ISX: variants seen among roughly 807,000 people sequenced by gnomAD.
ISX encodes intestine-specific homeobox.
ISX carries 15 observed loss-of-function variants against 16.9 expected under a neutral mutation model. That is an observed-to-expected ratio of 0.89 (90% CI 0.59 to 1.36). The LOEUF is 1.36. Among genes scored for constraint, ISX ranks in the 40% most tolerant of loss-of-function variants. The pLI is 0.00. For synonymous variants in ISX, 125 were observed against 119.7 expected (o/e 1.04, Z -0.29); for missense variants, 316 against 306.1 (o/e 1.03, Z -0.24).
intron 3 of ISX, among the ~76,000 whole-genome samples, chr22:35,083,384 G>A (rs571273604): frequency 2.6e-5 from 4 of 152,292 alleles, no homozygotes; most frequent in African/African-American, 9.6e-5. Context: ...GGTCTTGGTC[G>A]GAGACCTGGT....
Position 35,069,215 on chromosome 22 carries a change from C to T in ISX, c.229+1899C>T, listed in dbSNP as rs193138030. On this transcript the variant is annotated intron_variant, in intron 2 of 4. Transcript: ENST00000404699. ...TTTAAAATACATTTATTATTTGAGT[C>T]AAACACAAAAGTCTATTTGGGAAAA... Among the ~76,000 whole-genome samples, 40 of 152,256 alleles carry T rather than the reference C, an allele frequency of 2.6e-4. No homozygotes were observed. The Middle Eastern group carries it at 0.02, about 78-fold the overall frequency.
intron 2 of ISX, among the ~76,000 whole-genome samples, chr22:35,072,408 T>C (rs1482710831): frequency 6.6e-6 from 1 of 152,228 alleles, no homozygotes; most frequent in Non-Finnish European, 1.5e-5. Context: ...GAATAAAGCA[T>C]GTGTTATTAA....
rs1929232954 is a variant in ISX at position 35,085,579 on chromosome 22, A to G, written c.624A>G (p.Pro208=). ...GGATCACCCTCCTCCCAGCGCACCCATGGGAAACACAGCCTGTCCCAGGTC... is the reference window on the plus strand; with the variant it reads ...GGATCACCCTCCTCCCAGCGCACCCGTGGGAAACACAGCCTGTCCCAGGTC... ...PAWITLLPAH[P]WETQPVPGLP... Residue 208 remains proline, a synonymous_variant, in exon 5 of 5, where the codon CCA becomes CCG. Transcript: ENST00000404699. 1.2e-6 allele frequency: 2 copies of G among 1,614,058 alleles called. No individual in the cohort carries two copies. The highest frequency in any genetic ancestry group is 3.3e-5 in the Admixed American group (2 of 60,002).
Position 35,072,223 on chromosome 22 carries a change from C to T in ISX, c.229+4907C>T, listed in dbSNP as rs5999697. The stretch of plus-strand genomic sequence containing the variant: ...TAGAATTGAGAACCTGGCTCAGTCT[C>T]AGGCCCTGTGGGAGCACAAGAAAGT... On this transcript the variant is annotated intron_variant, in intron 2 of 4. Transcript: ENST00000404699. Among the ~76,000 whole-genome samples the T allele has an allele frequency of 1.6e-4, 24 of 152,322 alleles. 1 individual carries two copies. The highest frequency in any genetic ancestry group is 4.8e-4 in the African/African-American group (20 of 41,572).
At position 35,079,667 on chromosome 22, in the gene ISX, G is replaced by A. The variant is rs138619535; in HGVS notation, c.230-2851G>A. Among the ~76,000 whole-genome samples the A allele has an allele frequency of 8.1e-4, 123 of 152,158 alleles. 1 individual carries two copies. The East Asian group carries it at 0.018, about 22-fold the overall frequency. ...CGGTTCTTAATTATTTCCCAAGAGCGGTTTTTCTTACAAGGAATGTGGAAA... is the reference window on the plus strand; with the variant it reads ...CGGTTCTTAATTATTTCCCAAGAGCAGTTTTTCTTACAAGGAATGTGGAAA... On this transcript the variant is annotated intron_variant, in intron 2 of 4. Coordinates refer to ENST00000404699, the MANE Select transcript of ISX (RefSeq NM_001303508.2).
rs1929231559 is a variant in ISX at position 35,085,539 on chromosome 22, C to T, written c.584C>T (p.Ala195Val). 6.2e-7 allele frequency: 1 copy of T among 1,614,104 alleles called. No individual in the cohort carries two copies. The highest frequency in any genetic ancestry group is 8.5e-7 in the Non-Finnish European group (1 of 1,180,054). Residue 195 changes from alanine (A) to valine (V), a missense_variant, in exon 5 of 5, where the codon GCC becomes GTC. Transcript: ENST00000404699. Reference sequence around the variant, plus strand: ...TCGGCTCAAGATCAGCTGGCCTCTGCCTGGTTCCCTGCCTGGATCACCCTC... The same window carrying T: ...TCGGCTCAAGATCAGCTGGCCTCTGTCTGGTTCCCTGCCTGGATCACCCTC... ...CPSAQDQLASAWFPAWITLLP... is the reference protein window; with the variant it reads ...CPSAQDQLASVWFPAWITLLP...
At chr22:35,078,533 A>C (rs767692722) in intron 2 of ISX, among the ~76,000 whole-genome samples, 2 of 152,232 alleles carry the variant, frequency 1.3e-5, no homozygotes, top group Admixed American at 6.5e-5. Flanking sequence ...AAGGAGAGGC[A>C]GAGATGAGGC....
intron 2 of ISX, among the ~76,000 whole-genome samples, chr22:35,071,032 G>A (rs888937648): frequency 1.2e-4 from 18 of 152,300 alleles, no homozygotes; most frequent in African/African-American, 4.1e-4. Context: ...TCATGCTGCA[G>A]TTCATCAAGG....
chr22:35,071,901 C>T (rs1928864182), intron 2 of ISX, among the ~76,000 whole-genome samples: 1 of 152,132 alleles, frequency 6.6e-6, no homozygotes, highest in African/African-American at 2.4e-5. Flanking sequence ...CCTGAACTAC[C>T]TGAAATCAAA....
Position 35,067,308 on chromosome 22 carries a change from A to T in ISX, c.221A>T (p.Gln74Leu). ...GGGCTAGAAAAGCCTCCAAAGGACC[A>T]GCCCCAGGGTAAGTGTCTTCTGATC... is the stretch of plus-strand genomic sequence containing the variant. ...GSGLEKPPKD[Q>L]PQEGRKSKRR... The change falls in exon 2 of 5, where the codon CAG (glutamine) becomes CTG (leucine). Residue 74 changes from glutamine to leucine, a missense_variant. Transcript: ENST00000404699. The T allele has an allele frequency of 6.4e-7, 1 of 1,566,842 alleles. No homozygotes were observed. The highest frequency in any genetic ancestry group is 1.2e-5 in the South Asian group (1 of 85,198).
chr22:35,070,992 CAAA>C (rs1037000743), intron 2 of ISX, among the ~76,000 whole-genome samples: 12 of 152,290 alleles, frequency 7.9e-5, no homozygotes, highest in African/African-American at 2.9e-4. Context: ...ACTTTATATA[CAAA>C]AACAGGGGTC....
At chr22:35,070,927 G>A (rs1400858491) in intron 2 of ISX, among the ~76,000 whole-genome samples, 4 of 152,248 alleles carry the variant, frequency 2.6e-5, no homozygotes, top group African/African-American at 9.6e-5. Flanking sequence ...TATCACAGCT[G>A]AAACTCATCT....
At position 35,074,199 on chromosome 22, in the gene ISX, T is replaced by G. The variant is rs146558882; in HGVS notation, c.229+6883T>G. On this transcript the variant is annotated intron_variant, in intron 2 of 4. Transcript: ENST00000404699. ...AGAGTTACATCAGCCTCCAGTGACA[T>G]CCTCAAGCTCTCTAAAATCCCATGT... Among the ~76,000 whole-genome samples, 614 of 152,328 alleles carry G rather than the reference T, an allele frequency of 4.0e-3. 7 individuals are homozygous for G. The highest frequency in any genetic ancestry group is 0.014 in the African/African-American group (591 of 41,572).
At chr22:35,079,199 G>C (rs1929064095) in intron 2 of ISX, among the ~76,000 whole-genome samples, 1 of 152,226 alleles carries the variant, frequency 6.6e-6, no homozygotes, top group African/African-American at 2.4e-5. Flanking sequence ...CTTAGTATGT[G>C]ATGGCTTTAC....
At chr22:35,073,895 G>A (rs886927257) in intron 2 of ISX, among the ~76,000 whole-genome samples, 1 of 152,220 alleles carries the variant, frequency 6.6e-6, no homozygotes, top group African/African-American at 2.4e-5. Context: ...ACAGGAAAGT[G>A]TACAGTGATC....
chr22:35,079,184 C>T (rs990729180), intron 2 of ISX, among the ~76,000 whole-genome samples: 3 of 152,132 alleles, frequency 2.0e-5, no homozygotes, highest in African/African-American at 7.2e-5. Context: ...GTGTCTACTC[C>T]AATTCTTAGT....
intron 2 of ISX, among the ~76,000 whole-genome samples, chr22:35,080,994 A>C (rs984964078): frequency 1.3e-5 from 2 of 152,242 alleles, no homozygotes; most frequent in Non-Finnish European, 2.9e-5. Context: ...TCTGCAACGC[A>C]CTGCCTAGTG....
chr22:35,074,460 A>C (rs1883384), intron 2 of ISX, among the ~76,000 whole-genome samples: 86,504 of 152,044 alleles, frequency 0.57, 25,102 homozygotes, highest in Middle Eastern at 0.65. Flanking sequence ...ATATATGGAA[A>C]CCTCAAGTTT....
At position 35,084,459 on chromosome 22, in the gene ISX, G is replaced by A. The variant is rs1208846606; in HGVS notation, c.458G>A (p.Ser153Asn). The A allele has an allele frequency of 6.2e-7, 1 of 1,613,544 alleles. No homozygotes were observed. Among genetic ancestry groups the A allele is most frequent in the East Asian group, 2.2e-5 (1 of 44,870 alleles). Residue 153 changes from serine to asparagine, a missense_variant, in exon 4 of 5, where the codon AGT (serine) becomes AAT (asparagine). Transcript: ENST00000404699. ...IGNLGAPQQL[S>N]EASVALPTNL... ...AACCTGGGGGCTCCACAGCAGCTGA[G>A]TGAAGCCAGTGTGGCCCTGCCCACA...
Sources: allele counts gnomAD v4.1 joint callset (sites outside exome capture counted in the v4.1 genomes callset), GRCh38; gene constraint gnomAD v4.1.1; transcripts MANE v1.5; gene names NCBI Gene and HGNC (gene_info 2026-07-23, HGNC 2026-07-21).